Variants in HS3ST4 observed in about 807,000 individuals in gnomAD.
The protein encoded by HS3ST4 is heparan sulfate glucosamine 3-O-sulfotransferase 4.
HS3ST4 carries 17 observed loss-of-function variants against 29.2 expected under a neutral mutation model. That is an observed-to-expected ratio of 0.58 (90% confidence interval 0.40 to 0.87). The LOEUF (loss-of-function observed/expected upper bound fraction) is 0.87, where lower values mean the gene tolerates loss of function less well. Ranked by LOEUF, HS3ST4 falls within the 40% of genes least tolerant of loss-of-function variation. The pLI is 0.00. For missense variants in HS3ST4, 627 were observed against 634.5 expected (o/e 0.99, Z 0.13); for synonymous variants, 314 against 285.7 (o/e 1.10, Z -1.00).
At position 25,700,477 on chromosome 16, in the gene HS3ST4, T is replaced by G. The variant is rs981415704; in HGVS notation, c.734+7326T>G. On this transcript the variant is annotated intron_variant, in intron 1 of 1. Transcript: ENST00000331351. ...GAGATTTGGCTGCTTTCACCGGTGT[T>G]CTCTAGACATCCTAACATGATTTAT... Among the ~76,000 whole-genome samples, 4 of 152,234 alleles carry G rather than the reference T, an allele frequency of 2.6e-5. No individual in the cohort carries two copies. The East Asian group carries it at 7.7e-4, about 29-fold the overall frequency.
chr16:26,000,631 A>G (rs934830035), intron 1 of HS3ST4, among the ~76,000 whole-genome samples: 2 of 152,158 alleles, frequency 1.3e-5, no homozygotes, highest in Non-Finnish European at 1.5e-5. Flanking sequence ...CCTTCATAGG[A>G]ATGGTTATTG....
rs532274025 is a variant in HS3ST4, at chr16:26,011,065, C to T, written c.735-124547C>T. 5.3e-5 allele frequency among the ~76,000 whole-genome samples: 8 copies of T among 152,278 alleles called. No individual in the cohort carries two copies. The East Asian group carries it at 1.4e-3, about 26-fold the overall frequency. ...ATTGTTAATAGCTCAGGAAGGAAAA[C>T]AAGTCCAGGCCTGGATAGCAGCACG... On this transcript the variant is annotated intron_variant, in intron 1 of 1. Coordinates refer to ENST00000331351, the MANE Select transcript of HS3ST4 (RefSeq NM_006040.3).
chr16:25,895,122 G>A (rs1271908817), intron 1 of HS3ST4, among the ~76,000 whole-genome samples: 1 of 146,102 alleles, frequency 6.8e-6, no homozygotes, highest in Non-Finnish European at 1.5e-5. Flanking sequence ...GAGAGGGAAG[G>A]GTAGATGGGT....
intron 1 of HS3ST4, among the ~76,000 whole-genome samples, chr16:25,740,902 TG>T (rs964053862): frequency 7.9e-5 from 12 of 152,220 alleles, no homozygotes; most frequent in African/African-American, 2.6e-4. Context: ...CTAAGATCCA[TG>T]GAAAAAAGGA....
chr16:25,849,339 T>C (rs1967495636), intron 1 of HS3ST4, among the ~76,000 whole-genome samples: 1 of 152,220 alleles, frequency 6.6e-6, no homozygotes, highest in South Asian at 2.1e-4. Context: ...TAATCAGACT[T>C]GTTAACTGTC....
intron 1 of HS3ST4, among the ~76,000 whole-genome samples, chr16:26,009,659 G>A (rs1437503867): frequency 6.6e-6 from 1 of 152,186 alleles, no homozygotes; most frequent in African/African-American, 2.4e-5. Flanking sequence ...GTCAAGCGAA[G>A]GAAAACGGCC....
chr16:25,949,519 A>C (rs1204457959), intron 1 of HS3ST4, among the ~76,000 whole-genome samples: 1 of 152,184 alleles, frequency 6.6e-6, no homozygotes, highest in Non-Finnish European at 1.5e-5. Flanking sequence ...AGAGCTGGAC[A>C]GAGGCTGAAG....
chr16:26,093,083 C>G (rs9928943), intron 1 of HS3ST4, among the ~76,000 whole-genome samples: 2 of 152,058 alleles, frequency 1.3e-5, no homozygotes, highest in African/African-American at 4.8e-5. Flanking sequence ...ACAAAGTGGC[C>G]GGGAAGCTTG....
At chr16:25,943,712 A>C (rs796210116) in intron 1 of HS3ST4, among the ~76,000 whole-genome samples, 2 of 152,176 alleles carry the variant, frequency 1.3e-5, no homozygotes, top group African/African-American at 2.4e-5. Context: ...ACCAACTACA[A>C]CATAATCATG....
At chr16:25,991,837 C>T (rs541018018) in intron 1 of HS3ST4, among the ~76,000 whole-genome samples, 128 of 152,152 alleles carry the variant, frequency 8.4e-4, no homozygotes, top group African/African-American at 2.8e-3. Context: ...CTGGCTAACA[C>T]GGTGAAACCC....
intron 1 of HS3ST4, among the ~76,000 whole-genome samples, chr16:25,736,416 GT>G (rs1381364979): frequency 6.6e-6 from 1 of 152,166 alleles, no homozygotes; most frequent in Non-Finnish European, 1.5e-5. Context: ...TGAAGATTAC[GT>G]GCTATATGGC....
At chr16:25,937,715 A>T (rs4386141) in intron 1 of HS3ST4, among the ~76,000 whole-genome samples, 83,023 of 152,014 alleles carry the variant, frequency 0.55, 23,425 homozygotes, top group African/African-American at 0.61. Context: ...ATCACAGCTT[A>T]TGATTGGGGC....
chr16:25,694,546 A>T (rs1033945775), intron 1 of HS3ST4, among the ~76,000 whole-genome samples: 13 of 152,342 alleles, frequency 8.5e-5, no homozygotes, highest in Middle Eastern at 3.4e-3. Context: ...AACATAAAAC[A>T]GCAAATGCCT....
chr16:26,125,355 A>C (rs1458620444), intron 1 of HS3ST4, among the ~76,000 whole-genome samples: 3 of 152,214 alleles, frequency 2.0e-5, no homozygotes, highest in African/African-American at 7.2e-5. Flanking sequence ...AGATTCTCAT[A>C]AGGAGCATAC....
intron 1 of HS3ST4, among the ~76,000 whole-genome samples, chr16:25,991,718 T>C (rs1055048397): frequency 2.0e-5 from 3 of 152,210 alleles, no homozygotes; most frequent in African/African-American, 7.2e-5. Context: ...ATTATGCAGA[T>C]TAGAAAATGG....
intron 1 of HS3ST4, among the ~76,000 whole-genome samples, chr16:25,999,883 T>A (rs1231755562): frequency 5.7e-5 from 7 of 122,148 alleles, no homozygotes; most frequent in Non-Finnish European, 9.9e-5. Context: ...TTATATATAT[T>A]ATATATATAT....
At chr16:25,921,615 G>C (rs1968354635) in intron 1 of HS3ST4, among the ~76,000 whole-genome samples, 1 of 152,080 alleles carries the variant, frequency 6.6e-6, no homozygotes, top group Admixed American at 6.5e-5. Context: ...GGTGCAATAT[G>C]GTTTTCTTGT....
chr16:25,857,919 C>CCTTTCTTTCTTTCTTTCTTTCTTTCTTT (rs1269887450), intron 1 of HS3ST4, among the ~76,000 whole-genome samples: 7 of 58,100 alleles, frequency 1.2e-4, no homozygotes, highest in Non-Finnish European at 1.8e-4. Flanking sequence ...TTCCTTCCTT[C>CCTTTCTTTCTTTCTTTCTTTCTTTCTTT]CTTTCTTTCT....
At chr16:25,962,822 A>G (rs1207706945) in intron 1 of HS3ST4, among the ~76,000 whole-genome samples, 1 of 152,204 alleles carries the variant, frequency 6.6e-6, no homozygotes, top group African/African-American at 2.4e-5. Context: ...ATTTGCAAGC[A>G]CCAAGAGTCT....
Sources: allele counts gnomAD v4.1 joint callset (sites outside exome capture counted in the v4.1 genomes callset), GRCh38; gene constraint gnomAD v4.1.1; transcripts MANE v1.5; gene names NCBI Gene and HGNC (gene_info 2026-07-23, HGNC 2026-07-21).